The following DNAJC24 variants were observed in gnomAD, a reference collection of about 807,000 sequenced individuals.
DNAJC24 encodes dnaJ homolog subfamily C member 24.
A neutral mutation model predicts 18.0 loss-of-function variants in DNAJC24; 17 were observed. The observed-to-expected ratio is 0.94, with a 90% CI of 0.65 to 1.42. The LOEUF (loss-of-function observed/expected upper bound fraction) is 1.42. DNAJC24 is among the 40% of genes most tolerant of loss of function. The pLI, the probability that DNAJC24 is intolerant of heterozygous loss-of-function variation, is 0.00. For missense variants in DNAJC24, 158 were observed against 175.6 expected (o/e 0.90, Z 0.57); for synonymous variants, 55 against 57.7 (o/e 0.95, Z 0.21).
intron 3 of DNAJC24, among the ~76,000 whole-genome samples, chr11:31,419,617 T>TA (rs1395184099): frequency 2.0e-5 from 3 of 152,014 alleles, no homozygotes; most frequent in Admixed American, 2.0e-4. Flanking sequence ...AGTTCTGATT[T>TA]AATAGTGGAG....
chr11:31,389,764 C>G (rs1448564135), intron 2 of DNAJC24, among the ~76,000 whole-genome samples: 2 of 152,098 alleles, frequency 1.3e-5, no homozygotes, highest in African/African-American at 4.8e-5. Flanking sequence ...TGTTAGGTCA[C>G]AAAACAATTT....
In DNAJC24 at chr11:31,432,474, AATC is replaced by A. The variant is rs1351430312; in HGVS notation, c.*2075_*2077del. On this transcript the variant is annotated 3_prime_UTR_variant, in exon 5 of 5. Coordinates refer to ENST00000465995, the MANE Select transcript of DNAJC24 (RefSeq NM_181706.5). ...TAAATTCACATGAAAAGGAGACAATAATCAAGTCAAAAGAATAAATGCTTACTA... is the reference window on the plus strand; with the variant it reads ...TAAATTCACATGAAAAGGAGACAATAAAGTCAAAAGAATAAATGCTTACTA... 9 of 1,529,522 alleles carry A rather than the reference AATC, an allele frequency of 5.9e-6. No individual in the cohort carries two copies. The highest frequency in any genetic ancestry group is 2.2e-4 in the Middle Eastern group (1 of 4,548). The allele number at this position is 1,529,522 out of a possible 1,614,324, so 94.7% of individuals were successfully genotyped here.
chr11:31,406,897 C>T (rs1952662745), intron 2 of DNAJC24, among the ~76,000 whole-genome samples: 2 of 152,120 alleles, frequency 1.3e-5, no homozygotes, highest in South Asian at 4.1e-4. Context: ...CCCTCTCATC[C>T]ATTCATTTAG....
At chr11:31,409,886 T>A (rs1158408220) in intron 2 of DNAJC24, among the ~76,000 whole-genome samples, 1 of 146,450 alleles carries the variant, frequency 6.8e-6, no homozygotes, top group Non-Finnish European at 1.5e-5. Context: ...TTTTTTCTTT[T>A]TCTTTTTTTT....
At chr11:31,396,359 A>G in intron 2 of DNAJC24, 2 of 448,250 alleles carry the variant, frequency 4.5e-6, no homozygotes, top group Non-Finnish European at 8.9e-6. Context: ...CAAGGAAATC[A>G]AGGATTCTTC....
At chr11:31,391,157 T>C (rs1952491712) in intron 2 of DNAJC24, among the ~76,000 whole-genome samples, 1 of 152,158 alleles carries the variant, frequency 6.6e-6, no homozygotes, top group Non-Finnish European at 1.5e-5. Context: ...CAACATCATA[T>C]CATGACAAAA....
intron 2 of DNAJC24, among the ~76,000 whole-genome samples, chr11:31,388,840 T>TTTAAACAATA (rs1952458234): frequency 6.6e-6 from 1 of 151,946 alleles, no homozygotes; most frequent in Non-Finnish European, 1.5e-5. Context: ...AGATATAAAA[T>TTTAAACAATA]AGAAACAAAC....
intron 2 of DNAJC24, among the ~76,000 whole-genome samples, chr11:31,391,875 G>T (rs1321503332): frequency 6.6e-6 from 1 of 152,060 alleles, no homozygotes; most frequent in East Asian, 1.9e-4. Context: ...CAGACAAATG[G>T]ATTAAAAAAT....
chr11:31,409,162 A>G (rs1228126600), intron 2 of DNAJC24, among the ~76,000 whole-genome samples: 3 of 152,142 alleles, frequency 2.0e-5, no homozygotes, highest in African/African-American at 7.2e-5. Context: ...TTGTTTTTCT[A>G]TTAATGGAAG....
chr11:31,393,205 T>A (rs1264977137), intron 2 of DNAJC24, among the ~76,000 whole-genome samples: 1 of 152,192 alleles, frequency 6.6e-6, no homozygotes, highest in Admixed American at 6.5e-5. Context: ...ACCAGAGATA[T>A]AAGCTTCCTC....
intron 2 of DNAJC24, among the ~76,000 whole-genome samples, chr11:31,398,613 A>G (rs534509637): frequency 6.6e-6 from 1 of 152,332 alleles, no homozygotes; most frequent in African/African-American, 2.4e-5. Flanking sequence ...TCTTTCTCAT[A>G]TCTTGTTTAC....
intron 3 of DNAJC24, among the ~76,000 whole-genome samples, chr11:31,424,637 A>C (rs780386924): frequency 1.4e-4 from 22 of 152,196 alleles, no homozygotes; most frequent in Non-Finnish European, 3.1e-4. Context: ...TGGAGGAACT[A>C]TCTCTGACCA....
chr11:31,407,902 CCT>C (rs1396803858), intron 2 of DNAJC24, among the ~76,000 whole-genome samples: 2 of 150,046 alleles, frequency 1.3e-5, no homozygotes, highest in African/African-American at 2.4e-5. Flanking sequence ...AAATTATGCC[CCT>C]CTCTTAAAAA....
At chr11:31,386,983 G>T (rs1952436381) in intron 2 of DNAJC24, among the ~76,000 whole-genome samples, 1 of 152,202 alleles carries the variant, frequency 6.6e-6, no homozygotes, top group Non-Finnish European at 1.5e-5. Context: ...GCCTGGGATG[G>T]TGGTGACCAT....
chr11:31,425,706 A>G (rs1018175834), intron 3 of DNAJC24, among the ~76,000 whole-genome samples: 3 of 152,130 alleles, frequency 2.0e-5, no homozygotes, highest in Non-Finnish European at 2.9e-5. Flanking sequence ...TAAAAGCCCT[A>G]TGTCCAAGAA....
chr11:31,426,812 T>C (rs1331743369), intron 4 of DNAJC24: 1 of 149,996 alleles, frequency 6.7e-6, no homozygotes, highest in Non-Finnish European at 1.5e-5. Flanking sequence ...GGCTTGATTT[T>C]TTTTTTTTTT....
At chr11:31,390,125 C>A (rs1029368078) in intron 2 of DNAJC24, among the ~76,000 whole-genome samples, 10 of 152,120 alleles carry the variant, frequency 6.6e-5, no homozygotes, top group Non-Finnish European at 1.5e-5. Flanking sequence ...TCAAGCTGGG[C>A]ACAGTGGCTC....
chr11:31,412,785 T>C (rs575294351), intron 2 of DNAJC24, among the ~76,000 whole-genome samples: 1 of 152,184 alleles, frequency 6.6e-6, no homozygotes, highest in South Asian at 2.1e-4. Context: ...TTGTTTGCCG[T>C]AGAATCTTTG....
chr11:31,404,042 G>A (rs576021893), intron 2 of DNAJC24, among the ~76,000 whole-genome samples: 4 of 152,248 alleles, frequency 2.6e-5, no homozygotes, highest in African/African-American at 7.2e-5. Flanking sequence ...TCCTGATGTT[G>A]TCATGGCATT....
Sources: allele counts gnomAD v4.1 joint callset (sites outside exome capture counted in the v4.1 genomes callset), GRCh38; gene constraint gnomAD v4.1.1; transcripts MANE v1.5; gene names NCBI Gene and HGNC (gene_info 2026-07-23, HGNC 2026-07-21).